CDC73: variants seen among roughly 807,000 people sequenced by gnomAD.
CDC73 encodes parafibromin.
CDC73 carries 21 observed loss-of-function variants against 83.7 expected under a neutral mutation model. The ratio of observed to expected loss-of-function variants is 0.25; its 90% CI spans 0.18 to 0.36. The LOEUF is 0.36. Ranked by LOEUF, CDC73 falls within the 10% of genes least tolerant of loss-of-function variation. CDC73 has a pLI of 1.00. For synonymous variants in CDC73, 224 were observed against 212.9 expected (o/e 1.05, Z -0.45); for missense variants, 342 against 653.3 (o/e 0.52, Z 5.19).
intron 3 of CDC73, among the ~76,000 whole-genome samples, chr1:193,133,366 T>C (rs1675729367): frequency 6.6e-6 from 1 of 152,236 alleles, no homozygotes. Flanking sequence ...TAACATGGTC[T>C]CAATAAGAAT....
chr1:193,163,119 G>T (rs1261243382), intron 10 of CDC73, among the ~76,000 whole-genome samples: 1 of 151,390 alleles, frequency 6.6e-6, no homozygotes, highest in Non-Finnish European at 1.5e-5. Context: ...AAATTTGTAG[G>T]TACATTATAA....
At chr1:193,177,172 T>G (rs1237535520) in intron 10 of CDC73, among the ~76,000 whole-genome samples, 2 of 150,966 alleles carry the variant, frequency 1.3e-5, no homozygotes, top group Non-Finnish European at 3.0e-5. Context: ...AGCTCTAGAC[T>G]TTTTTTTTTA....
In CDC73 at chr1:193,194,798, G is replaced by T. The variant is rs569716708; in HGVS notation, c.973-8997G>T. Among the ~76,000 whole-genome samples, 48 of 152,152 alleles carry T rather than the reference G, an allele frequency of 3.2e-4. 1 individual carries two copies. In the South Asian group the frequency reaches 7.5e-3, roughly 24 times the overall value. ...AGAGTACCCCTTTTAAAGATTTTGTGATTTGTATCACCTTTTATCTCTTTT... is the reference window on the plus strand; with the variant it reads ...AGAGTACCCCTTTTAAAGATTTTGTTATTTGTATCACCTTTTATCTCTTTT... On this transcript the variant is annotated intron_variant, in intron 10 of 16. Transcript: ENST00000367435.
At chr1:193,240,323 A>G (rs958134103) in intron 15 of CDC73, among the ~76,000 whole-genome samples, 3 of 152,222 alleles carry the variant, frequency 2.0e-5, no homozygotes, top group Non-Finnish European at 4.4e-5. Flanking sequence ...ACAGTAAACA[A>G]GGGGTGCAAG....
At chr1:193,233,515 A>G (rs1433342095) in intron 14 of CDC73, among the ~76,000 whole-genome samples, 4 of 152,244 alleles carry the variant, frequency 2.6e-5, no homozygotes, top group Admixed American at 1.3e-4. Context: ...TAATGTTAAC[A>G]TTCTAATAAT....
chr1:193,227,243 T>A (rs1677581853), intron 13 of CDC73, among the ~76,000 whole-genome samples: 1 of 152,154 alleles, frequency 6.6e-6, no homozygotes, highest in South Asian at 2.1e-4. Flanking sequence ...TTTGTTTCAA[T>A]TTCATTTAGT....
intron 10 of CDC73, among the ~76,000 whole-genome samples, chr1:193,163,171 GT>G (rs1676371966): frequency 2.0e-5 from 3 of 151,492 alleles, no homozygotes; most frequent in African/African-American, 7.3e-5. Flanking sequence ...GTGTGTGTGT[GT>G]GTGTGGGTGT....
chr1:193,147,819 C>T (rs1288188684), intron 7 of CDC73, 48 bp from the exon 8 acceptor site: 3 of 983,988 alleles, frequency 3.0e-6, no homozygotes, highest in Non-Finnish European at 4.8e-6. Context: ...ACTAAATTTA[C>T]TATTGTATAT....
At chr1:193,156,289 C>A (rs933594325) in intron 10 of CDC73, among the ~76,000 whole-genome samples, 1 of 152,176 alleles carries the variant, frequency 6.6e-6, no homozygotes, top group African/African-American at 2.4e-5. Context: ...GGAAGGGTTA[C>A]AGACTCTAAC....
At position 193,135,544 on chromosome 1, in the gene CDC73, A is replaced by G; in HGVS notation, c.378A>G (p.Arg126=). The G allele has an allele frequency of 6.2e-7, 1 of 1,613,746 alleles. No homozygotes were observed. The highest frequency in any genetic ancestry group is 8.5e-7 in the Non-Finnish European group (1 of 1,179,694). The change falls in exon 5 of 17, where the codon CGA becomes CGG. Residue 126 remains arginine (R), a synonymous_variant. Transcript: ENST00000367435. ...CTTCTCTTTCTTTTATAGTCAAACG[A>G]GCTGCAGATGAAGTTTTAGCAGAAG... is the stretch of plus-strand genomic sequence containing the variant. ...IGLQRSTQVK[R]AADEVLAEAK...
At chr1:193,199,109 C>A (rs538457726) in intron 10 of CDC73, among the ~76,000 whole-genome samples, 1 of 152,042 alleles carries the variant, frequency 6.6e-6, no homozygotes, top group Non-Finnish European at 1.5e-5. Context: ...AGCAACATAT[C>A]GTATACATAT....
chr1:193,149,661 C>T (rs1029250470), intron 8 of CDC73, among the ~76,000 whole-genome samples: 3 of 151,980 alleles, frequency 2.0e-5, no homozygotes. Context: ...TTTTATTTGG[C>T]ATAATATTTG....
rs1030467323 is a variant in CDC73 at position 193,182,616 on chromosome 1, G to A, written c.973-21179G>A. Among the ~76,000 whole-genome samples the A allele has an allele frequency of 5.3e-5, 8 of 152,048 alleles. No individual in the cohort carries two copies. The East Asian group carries it at 7.7e-4, about 15-fold the overall frequency. ...GTTAAACTTTTAGAACTTGTCATTA[G>A]CACAGTTAGAGCCCTATATTTTAAA... On this transcript the variant is annotated intron_variant, in intron 10 of 16. Coordinates refer to ENST00000367435, the MANE Select transcript of CDC73 (RefSeq NM_024529.5).
rs529218238 is a variant in CDC73, at chr1:193,231,193, G to T, written c.1155-1800G>T. 8.5e-4 allele frequency among the ~76,000 whole-genome samples: 130 copies of T among 152,218 alleles called. No homozygotes were observed. In the East Asian group the frequency reaches 0.013, roughly 15 times the overall value. On this transcript the variant is annotated intron_variant, in intron 13 of 16. Coordinates refer to ENST00000367435, the MANE Select transcript of CDC73 (RefSeq NM_024529.5). ...TGTTTATAAGTTTATAAGTAATTTT[G>T]TACAAGTAAATTTAAACTTTAACAC...
chr1:193,231,654 C>G (rs1294284747), intron 13 of CDC73, among the ~76,000 whole-genome samples: 2 of 152,120 alleles, frequency 1.3e-5, no homozygotes, highest in African/African-American at 4.8e-5. Context: ...GAAATCTTAA[C>G]TTTTTAACCA....
intron 13 of CDC73, among the ~76,000 whole-genome samples, chr1:193,216,647 A>G (rs10732293): frequency 0.62 from 94,761 of 151,648 alleles, 30,048 homozygotes; most frequent in South Asian, 0.77. Context: ...ATTAAAAAAA[A>G]AAAAAACCTG....
chr1:193,154,056 A>G (rs925379692), intron 10 of CDC73, among the ~76,000 whole-genome samples: 1 of 152,202 alleles, frequency 6.6e-6, no homozygotes, highest in Non-Finnish European at 1.5e-5. Flanking sequence ...ACTTCAATAT[A>G]TAATTCATGG....
chr1:193,181,598 G>C, intron 10 of CDC73: 1 of 1,516,054 alleles, frequency 6.6e-7, no homozygotes, highest in African/African-American at 1.4e-5. Flanking sequence ...TGAGAGATTG[G>C]TGACCAAAAA....
At chr1:193,165,749 C>G (rs975232305) in intron 10 of CDC73, among the ~76,000 whole-genome samples, 1 of 152,228 alleles carries the variant, frequency 6.6e-6, no homozygotes, top group Non-Finnish European at 1.5e-5. Context: ...ATCTCTCTCT[C>G]CCTCCCACAT....
Sources: allele counts gnomAD v4.1 joint callset (sites outside exome capture counted in the v4.1 genomes callset), GRCh38; gene constraint gnomAD v4.1.1; transcripts MANE v1.5; gene names NCBI Gene and HGNC (gene_info 2026-07-23, HGNC 2026-07-21).